The following PRKAR2A variants were observed in gnomAD, a reference collection of about 807,000 sequenced individuals.
PRKAR2A encodes protein kinase cAMP-dependent type II regulatory subunit alpha.
A neutral mutation model predicts 51.9 loss-of-function variants in PRKAR2A; 29 were observed. The observed-to-expected ratio is 0.56, with a 90% CI of 0.42 to 0.76. The LOEUF is 0.76. Ranked by LOEUF, PRKAR2A falls within the 30% of genes least tolerant of loss-of-function variation. The pLI is 0.00. For missense variants in PRKAR2A, 445 were observed against 512.1 expected, an observed-to-expected ratio of 0.87 and a Z score of 1.26; for synonymous variants, 178 against 186.2, an observed-to-expected ratio of 0.96 and a Z score of 0.36.
chr3:48,806,777 CTTTT>C (rs879915211), intron 2 of PRKAR2A, among the ~76,000 whole-genome samples: 1 of 145,888 alleles, frequency 6.9e-6, no homozygotes, highest in Admixed American at 6.9e-5. Context: ...GGAAAGCATT[CTTTT>C]TTTTTTTTGA....
chr3:48,768,438 C>G (rs907121984), intron 6 of PRKAR2A, among the ~76,000 whole-genome samples: 7 of 152,008 alleles, frequency 4.6e-5, no homozygotes, highest in Non-Finnish European at 8.8e-5. Flanking sequence ...TGGCTCACAC[C>G]TATAATCCCA....
chr3:48,788,685 T>C (rs989237095), intron 4 of PRKAR2A, among the ~76,000 whole-genome samples: 3 of 152,122 alleles, frequency 2.0e-5, no homozygotes, highest in Non-Finnish European at 2.9e-5. Flanking sequence ...AAGGAAACCC[T>C]GAGAGCTCCC....
intron 1 of PRKAR2A, among the ~76,000 whole-genome samples, chr3:48,828,216 T>C (rs1395292700): frequency 2.0e-5 from 3 of 152,052 alleles, no homozygotes; most frequent in Non-Finnish European, 4.4e-5. Context: ...AGAAATTAGG[T>C]GTTCCTATGT....
intron 4 of PRKAR2A, among the ~76,000 whole-genome samples, chr3:48,789,186 G>C (rs971997568): frequency 1.3e-5 from 2 of 152,162 alleles, no homozygotes; most frequent in Non-Finnish European, 2.9e-5. Context: ...CAAATTATCA[G>C]TATTGTCTTG....
At chr3:48,777,260 C>T (rs1317045734) in intron 5 of PRKAR2A, among the ~76,000 whole-genome samples, 1 of 152,100 alleles carries the variant, frequency 6.6e-6, no homozygotes, top group Non-Finnish European at 1.5e-5. Context: ...CTTTTCATAC[C>T]CTTTTACTGT....
At chr3:48,800,505 C>A (rs561867068) in intron 2 of PRKAR2A, among the ~76,000 whole-genome samples, 34 of 150,076 alleles carry the variant, frequency 2.3e-4, no homozygotes, top group Admixed American at 5.3e-4. Context: ...GAGCGAGACT[C>A]CGTCTCAAAA....
chr3:48,764,533 C>T (rs1401090924), intron 8 of PRKAR2A, among the ~76,000 whole-genome samples: 5 of 152,066 alleles, frequency 3.3e-5, no homozygotes, highest in Non-Finnish European at 5.9e-5. Context: ...GTAAGACGGA[C>T]GTCAATAAGC....
rs148604839 is a variant in PRKAR2A at position 48,752,215 on chromosome 3, C to T, written c.1042G>A (p.Ala348Thr). Residue 348 changes from alanine (A) to threonine (T), a missense_variant, in exon 10 of 11, where the codon GCT becomes ACT. Transcript: ENST00000265563. ...TCTCCAACTGCATAAGCTGAGGCAG[C>T]TCTGGGTTTGTTGGTGACCAGGGCA... ...ELALVTNKPR[A>T]ASAYAVGDVK... 20 of 1,614,094 alleles carry T rather than the reference C, an allele frequency of 1.2e-5. No individual in the cohort carries two copies. Among genetic ancestry groups the T allele is most frequent in the Non-Finnish European group, 1.7e-5 (20 of 1,180,042 alleles).
intron 6 of PRKAR2A, among the ~76,000 whole-genome samples, chr3:48,766,955 G>C (rs1474061754): frequency 1.3e-5 from 2 of 152,156 alleles, no homozygotes; most frequent in African/African-American, 2.4e-5. Flanking sequence ...TGGGACTACA[G>C]GTACACAACA....
intron 1 of PRKAR2A, among the ~76,000 whole-genome samples, chr3:48,808,172 G>C (rs1338183431): frequency 9.2e-5 from 12 of 130,992 alleles, no homozygotes; most frequent in African/African-American, 2.9e-5. Context: ...CTCAGCCTCC[G>C]GCGTAGCTGG....
At chr3:48,817,378 G>A (rs185964111) in intron 1 of PRKAR2A, among the ~76,000 whole-genome samples, 17 of 151,016 alleles carry the variant, frequency 1.1e-4, no homozygotes, top group Middle Eastern at 3.5e-3. Flanking sequence ...TAGGCCAGAC[G>A]TGGTGGCTCA....
chr3:48,830,006 T>C (rs192585945), intron 1 of PRKAR2A, among the ~76,000 whole-genome samples: 1 of 149,672 alleles, frequency 6.7e-6, no homozygotes, highest in East Asian at 2.0e-4. Flanking sequence ...GAAACCAGCC[T>C]GGCTAACATG....
chr3:48,772,230 A>C (rs2082039058), intron 6 of PRKAR2A, among the ~76,000 whole-genome samples: 1 of 152,202 alleles, frequency 6.6e-6, no homozygotes, highest in East Asian at 1.9e-4. Context: ...ACCAGTAGTT[A>C]GCACCAAGGC....
At chr3:48,744,965 C>A (rs1185379247), downstream of PRKAR2A, among the ~76,000 whole-genome samples, 1 of 151,964 alleles carries the variant, frequency 6.6e-6, no homozygotes, top group African/African-American at 2.4e-5. Flanking sequence ...ACCTCTACCT[C>A]CTGGGTTCAA....
intron 9 of PRKAR2A, among the ~76,000 whole-genome samples, chr3:48,754,924 AAAAG>A (rs1380971309): frequency 6.6e-5 from 10 of 151,938 alleles, no homozygotes; most frequent in South Asian, 2.1e-4. Flanking sequence ...CAAAAAAAAA[AAAAG>A]AGAGAGAGAG....
chr3:48,770,992 G>A (rs950764900), intron 6 of PRKAR2A, among the ~76,000 whole-genome samples: 2 of 151,560 alleles, frequency 1.3e-5, no homozygotes, highest in African/African-American at 2.4e-5. Flanking sequence ...TTGGGAGGCC[G>A]AGGTGGGCAG....
In PRKAR2A at chr3:48,764,358, C is replaced by A. The variant is rs535942186; in HGVS notation, c.873+646G>T. 1.2e-3 allele frequency among the ~76,000 whole-genome samples: 176 copies of A among 152,242 alleles called. 3 individuals are homozygous for A. The South Asian group carries it at 0.035, about 31-fold the overall frequency. ...TTGTGTTAGATTAGCCAAAAGGATGCCTTTGTGTCAAATATAGAAAGTTAG... is the reference window on the plus strand; with the variant it reads ...TTGTGTTAGATTAGCCAAAAGGATGACTTTGTGTCAAATATAGAAAGTTAG... On this transcript the variant is annotated intron_variant, in intron 8 of 10. Coordinates refer to ENST00000265563, the MANE Select transcript of PRKAR2A (RefSeq NM_004157.4).
intron 5 of PRKAR2A, among the ~76,000 whole-genome samples, chr3:48,782,162 T>C (rs769840676): frequency 6.6e-6 from 1 of 152,138 alleles, no homozygotes; most frequent in Non-Finnish European, 1.5e-5. Context: ...CCCACCTCAC[T>C]GCCACCAGCC....
intron 3 of PRKAR2A, among the ~76,000 whole-genome samples, chr3:48,792,627 A>G (rs1037777609): frequency 3.8e-4 from 57 of 149,960 alleles, no homozygotes; most frequent in South Asian, 8.4e-4. Context: ...ACACCCAGCT[A>G]ATTTTTGTAT....
Sources: gnomAD v4.1 joint callset for allele counts (sites outside exome capture counted in the v4.1 genomes callset) on GRCh38, gnomAD v4.1.1 for gene constraint, MANE v1.5 for transcripts, NCBI Gene and HGNC (gene_info 2026-07-23, HGNC 2026-07-21) for gene names.